ADAM19: variants seen among roughly 807,000 people sequenced by gnomAD.
The protein encoded by ADAM19 is ADAM metallopeptidase domain 19.
Under a neutral mutation model 114.7 loss-of-function variants are expected in ADAM19, and 65 were observed. The observed-to-expected ratio is 0.57, with a 90% CI of 0.46 to 0.70. The LOEUF (loss-of-function observed/expected upper bound fraction) is 0.70. ADAM19 is among the 30% of genes least tolerant of loss of function. The pLI is 0.00. For synonymous variants in ADAM19, 466 were observed against 460.5 expected (o/e 1.01, Z -0.15); for missense variants, 1,063 against 1,204.7 (o/e 0.88, Z 1.74).
intron 3 of ADAM19, among the ~76,000 whole-genome samples, chr5:157,558,761 A>C (rs6556082): frequency 0.36 from 54,279 of 151,986 alleles, 11,675 homozygotes; most frequent in African/African-American, 0.59. Flanking sequence ...TCTACCAGGT[A>C]TCCTTGAAAA....
At chr5:157,509,069 C>T (rs1755832655) in intron 9 of ADAM19, among the ~76,000 whole-genome samples, 2 of 152,246 alleles carry the variant, frequency 1.3e-5, no homozygotes, top group South Asian at 4.1e-4. Flanking sequence ...GTCTAATTTT[C>T]CCATTAGACT....
chr5:157,491,372 A>C (rs1755148341), intron 18 of ADAM19, among the ~76,000 whole-genome samples: 1 of 152,046 alleles, frequency 6.6e-6, no homozygotes. Flanking sequence ...TCTTACTCTC[A>C]CTCTACTAAG....
chr5:157,508,346 C>T (rs1202475885), intron 9 of ADAM19, among the ~76,000 whole-genome samples: 9 of 152,216 alleles, frequency 5.9e-5, no homozygotes, highest in Admixed American at 1.3e-4. Context: ...GTGTGGCTCA[C>T]GCCTATAATC....
intron 10 of ADAM19, 132 bp from the exon 11 acceptor site, chr5:157,505,940 A>T: frequency 2.0e-6 from 2 of 1,003,754 alleles, no homozygotes; most frequent in Non-Finnish European, 2.9e-6. Flanking sequence ...CAGACTCTCC[A>T]TATGTGCCTC....
intron 3 of ADAM19, among the ~76,000 whole-genome samples, chr5:157,556,246 T>C (rs1757365928): frequency 8.2e-6 from 1 of 122,238 alleles, no homozygotes; most frequent in Non-Finnish European, 1.6e-5. Flanking sequence ...TGAGATGGGG[T>C]CTCACTCTAT....
At chr5:157,505,926 C>T (rs1755728399) in intron 10 of ADAM19, 118 bp from the exon 11 acceptor site, 1 of 1,155,174 alleles carries the variant, frequency 8.7e-7, no homozygotes, top group Non-Finnish European at 1.2e-6. Flanking sequence ...TGTCACTGAG[C>T]ATACAGACTC....
rs530655220 is a variant in ADAM19, at chr5:157,551,456, C to T, written c.251+12917G>A. Among the ~76,000 whole-genome samples, 10 of 142,774 alleles carry T rather than the reference C, an allele frequency of 7.0e-5. No homozygotes were observed. The East Asian group carries it at 2.0e-3, about 29-fold the overall frequency. The allele number at this position is 142,774 out of a possible 152,430, so 93.7% of individuals were successfully genotyped here. A position where few individuals can be genotyped will look rare whatever the true frequency, so the allele number is the denominator to read the frequency against. ...AGACCAAAAAAACTAAGACCTCAAA[C>T]CATTTAACTGCAACAAGAAAACATT... On this transcript the variant is annotated intron_variant, in intron 3 of 22. Coordinates refer to ENST00000257527, the MANE Select transcript of ADAM19 (RefSeq NM_033274.5).
At chr5:157,506,920 A>T in intron 10 of ADAM19, 136 bp downstream of exon 10, 1 of 713,390 alleles carries the variant, frequency 1.4e-6, no homozygotes, top group Non-Finnish European at 2.4e-6. Flanking sequence ...ACTTCATTTT[A>T]AACAATTGCC....
intron 4 of ADAM19, among the ~76,000 whole-genome samples, chr5:157,536,878 G>C (rs1756783020): frequency 6.6e-6 from 1 of 152,196 alleles, no homozygotes; most frequent in African/African-American, 2.4e-5. Context: ...CAGTCTGTGT[G>C]CCTCAGTAGT....
chr5:157,557,403 G>C (rs1757395215), intron 3 of ADAM19, among the ~76,000 whole-genome samples: 1 of 152,146 alleles, frequency 6.6e-6, no homozygotes, highest in Non-Finnish European at 1.5e-5. Context: ...AACACATCTA[G>C]GCTATTTCAA....
chr5:157,540,826 A>G (rs1756897412), intron 3 of ADAM19, among the ~76,000 whole-genome samples: 1 of 152,188 alleles, frequency 6.6e-6, no homozygotes, highest in Non-Finnish European at 1.5e-5. Context: ...TCCGGATTAA[A>G]AACTACACCT....
chr5:157,494,828 C>A, intron 14 of ADAM19, 33 bp from the exon 15 acceptor site: 1 of 1,576,402 alleles, frequency 6.3e-7, no homozygotes, highest in Non-Finnish European at 8.7e-7. Context: ...TCAGTATACT[C>A]ATCTGTCAGA....
intron 7 of ADAM19, among the ~76,000 whole-genome samples, chr5:157,514,326 C>CTTTTTT (rs200826711): frequency 1.4e-5 from 2 of 141,688 alleles, no homozygotes; most frequent in African/African-American, 2.7e-5. Flanking sequence ...AATCACATTT[C>CTTTTTT]TTTCTTTTTT....
chr5:157,557,989 G>T (rs1160108781), intron 3 of ADAM19, among the ~76,000 whole-genome samples: 1 of 152,158 alleles, frequency 6.6e-6, no homozygotes, highest in African/African-American at 2.4e-5. Flanking sequence ...CAGACTGGCT[G>T]GCAATCCATT....
intron 20 of ADAM19, 138 bp from the exon 21 acceptor site, chr5:157,488,627 G>A (rs1755038539): frequency 3.1e-6 from 2 of 654,510 alleles, no homozygotes; most frequent in African/African-American, 1.8e-5. Flanking sequence ...CCAGAAGTCA[G>A]ATGCAACCTT....
chr5:157,574,535 G>A (rs1247567110), intron 1 of ADAM19, among the ~76,000 whole-genome samples: 2 of 152,130 alleles, frequency 1.3e-5, no homozygotes, highest in South Asian at 2.1e-4. Flanking sequence ...CGGCCCGGGG[G>A]TCCAGCCAGC....
chr5:157,537,203 A>AC (rs1756792071), intron 4 of ADAM19, among the ~76,000 whole-genome samples: 1 of 152,188 alleles, frequency 6.6e-6, no homozygotes, highest in African/African-American at 2.4e-5. Flanking sequence ...TTGAGAATCA[A>AC]CGTTCTGAGC....
intron 3 of ADAM19, among the ~76,000 whole-genome samples, chr5:157,547,975 C>T (rs1335285659): frequency 6.6e-6 from 1 of 152,202 alleles, no homozygotes; most frequent in Non-Finnish European, 1.5e-5. Context: ...CTGCCTGCCT[C>T]ACCAATTTCT....
At chr5:157,499,393 G>C (rs535637892) in intron 13 of ADAM19, among the ~76,000 whole-genome samples, 180 bp downstream of exon 13, 2 of 152,074 alleles carry the variant, frequency 1.3e-5, no homozygotes, top group Non-Finnish European at 2.9e-5. Context: ...AATTCAGTGA[G>C]GCCCAGTATA....
Sources: gnomAD v4.1 joint callset for allele counts (sites outside exome capture counted in the v4.1 genomes callset) on GRCh38, gnomAD v4.1.1 for gene constraint, MANE v1.5 for transcripts, NCBI Gene and HGNC (gene_info 2026-07-23, HGNC 2026-07-21) for gene names.